The following SPHKAP variants were observed in gnomAD, a reference collection of about 807,000 sequenced individuals.
SPHKAP encodes A-kinase anchor protein SPHKAP.
In SPHKAP, 67 loss-of-function variants were observed where a neutral mutation model predicts 137.5. The observed-to-expected ratio is 0.49, with a 90% CI of 0.40 to 0.60. The LOEUF (loss-of-function observed/expected upper bound fraction) is 0.60, where lower values mean the gene tolerates loss of function less well. Among genes scored for constraint, SPHKAP ranks in the 20% least tolerant of loss-of-function variants. The pLI is 0.00. For missense variants in SPHKAP, 2,097 were observed against 2,069.3 expected (o/e 1.01, Z -0.26); for synonymous variants, 813 against 785.3 (o/e 1.04, Z -0.59).
chr2:228,136,513 A>T (rs1298335572), intron 1 of SPHKAP, among the ~76,000 whole-genome samples: 19 of 152,190 alleles, frequency 1.2e-4, no homozygotes, highest in Admixed American at 8.5e-4. Context: ...CAATAGTGAA[A>T]ATAGCCTAGG....
rs762758247 is a variant in SPHKAP at position 227,991,331 on chromosome 2, G to A, written c.4722-5C>T. ...TTCTTTTCTTCTACTAATTCACTTT[G>A]GGAGAAAACAACAGTATATGGTTGG... On this transcript the variant is annotated splice_region_variant and splice_polypyrimidine_tract_variant and intron_variant, in intron 9 of 11. Transcript: ENST00000392056. 3.7e-6 allele frequency: 6 copies of A among 1,613,976 alleles called. No individual in the cohort carries two copies. Among genetic ancestry groups the A allele is most frequent in the Non-Finnish European group, 5.1e-6 (6 of 1,179,994 alleles).
chr2:228,177,195 CTT>C lies in SPHKAP; in HGVS notation c.32+4370_32+4371del, dbSNP rs199526972. Among the ~76,000 whole-genome samples the C allele has an allele frequency of 1.5e-3, 220 of 144,138 alleles. 1 individual carries two copies. Among genetic ancestry groups the C allele is most frequent in the South Asian group, 0.011 (52 of 4,542 alleles). The allele number at this position is 144,138 out of a possible 152,430, so 94.6% of individuals were successfully genotyped here. ...TAGTTTTAATGTTGGTCTTTTAAGC[CTT>C]TTTTTTTTTTTCTGTTGGGAATTGC... On this transcript the variant is annotated intron_variant, in intron 1 of 11. Coordinates refer to ENST00000392056, the MANE Select transcript of SPHKAP (RefSeq NM_001142644.2).
intron 3 of SPHKAP, among the ~76,000 whole-genome samples, chr2:228,093,469 T>C (rs1040206329): frequency 9.2e-5 from 14 of 152,120 alleles, no homozygotes; most frequent in Admixed American, 4.6e-4. Context: ...ATACATAATA[T>C]GACATGAATC....
At chr2:228,031,612 C>A (rs1472153656) in intron 3 of SPHKAP, among the ~76,000 whole-genome samples, 2 of 152,134 alleles carry the variant, frequency 1.3e-5, no homozygotes, top group Non-Finnish European at 2.9e-5. Context: ...CTCGGAGGCA[C>A]CCCCCAGTAG....
chr2:228,025,519 T>C lies in SPHKAP; in HGVS notation c.316A>G (p.Asn106Asp). 1 of 1,613,628 alleles carries C rather than the reference T, an allele frequency of 6.2e-7. No individual in the cohort carries two copies. Among genetic ancestry groups the C allele is most frequent in the Non-Finnish European group, 8.5e-7 (1 of 1,179,842 alleles). Residue 106 changes from asparagine to aspartate, a missense_variant, in exon 5 of 12, where the codon AAC becomes GAC. Asn to Asp is a conservative substitution (Grantham distance 23, BLOSUM62 1). Transcript: ENST00000392056. ...STEHLQQKLV[N>D]VSPDLPKLIS... is the part of the protein sequence containing the mutation. The stretch of plus-strand genomic sequence containing the variant: ...AGTTTTGGAAGATCTGGTGAAACGT[T>C]GACCAGTTTCTGTAAAGCAAGAATC...
At chr2:227,986,156 C>T (rs901879664) in intron 11 of SPHKAP, among the ~76,000 whole-genome samples, 8 of 152,158 alleles carry the variant, frequency 5.3e-5, no homozygotes, top group Non-Finnish European at 8.8e-5. Flanking sequence ...ACAGATGAAG[C>T]GCCTCAGTAT....
At chr2:228,030,513 C>CAAAAAAAAA (rs11287311) in intron 3 of SPHKAP, among the ~76,000 whole-genome samples, 61 of 48,676 alleles carry the variant, frequency 1.3e-3, no homozygotes, top group East Asian at 1.9e-3. Context: ...GATACCATCT[C>CAAAAAAAAA]AAAAAAAAAA....
intron 1 of SPHKAP, among the ~76,000 whole-genome samples, chr2:228,160,741 T>C (rs1310246332): frequency 6.6e-6 from 1 of 152,192 alleles, no homozygotes; most frequent in African/African-American, 2.4e-5. Flanking sequence ...GTGAACTTTT[T>C]CAACATATTT....
At chr2:228,161,294 G>C (rs1700265034) in intron 1 of SPHKAP, among the ~76,000 whole-genome samples, 1 of 152,224 alleles carries the variant, frequency 6.6e-6, no homozygotes, top group Non-Finnish European at 1.5e-5. Flanking sequence ...GCCTGGATAG[G>C]AAGACAGGGT....
At chr2:228,129,478 A>T (rs2106372311) in intron 2 of SPHKAP, among the ~76,000 whole-genome samples, 1 of 152,246 alleles carries the variant, frequency 6.6e-6, no homozygotes, top group East Asian at 1.9e-4. Context: ...GGTGAGGGTC[A>T]TTTATGATCT....
chr2:228,113,310 T>G (rs1335680382), intron 2 of SPHKAP, among the ~76,000 whole-genome samples: 3 of 152,180 alleles, frequency 2.0e-5, no homozygotes, highest in Non-Finnish European at 4.4e-5. Context: ...TAACCTACAC[T>G]ATTATCTGAA....
At chr2:228,134,150 G>T (rs575553964) in intron 1 of SPHKAP, among the ~76,000 whole-genome samples, 4 of 146,874 alleles carry the variant, frequency 2.7e-5, no homozygotes, top group African/African-American at 1.0e-4. Flanking sequence ...GAGAAAGAAA[G>T]AGGAAGAAAA....
intron 7 of SPHKAP, among the ~76,000 whole-genome samples, chr2:228,002,981 T>A (rs2106183320): frequency 6.6e-6 from 1 of 152,078 alleles, no homozygotes; most frequent in African/African-American, 2.4e-5. Context: ...CCTTGTAGTA[T>A]AGTTTGAAGT....
At chr2:228,168,354 T>G (rs4430943) in intron 1 of SPHKAP, among the ~76,000 whole-genome samples, 147,604 of 152,246 alleles carry the variant, frequency 0.97, 71,721 homozygotes, top group East Asian at 1. Flanking sequence ...GAAGGTTTGT[T>G]GAAATTGTGC....
At chr2:228,055,610 A>C (rs1055471815) in intron 3 of SPHKAP, among the ~76,000 whole-genome samples, 3 of 152,178 alleles carry the variant, frequency 2.0e-5, no homozygotes, top group Admixed American at 6.5e-5. Context: ...TGATGACAAC[A>C]GATTCTCAAG....
intron 9 of SPHKAP, among the ~76,000 whole-genome samples, chr2:227,992,116 T>C (rs1388515671): frequency 6.6e-6 from 1 of 152,146 alleles, no homozygotes; most frequent in African/African-American, 2.4e-5. Flanking sequence ...GAAGTGGCTA[T>C]CCTGGGAAGC....
In SPHKAP at chr2:227,991,097, T is replaced by C; in HGVS notation, c.4862A>G (p.Asp1621Gly). ...CTGCAGAGTGGCTCGGAGCTCGGCA[T>C]CTGGACACTCTGGCTCCAGGTCAAA... ...INFDLEPECP[D>G]AELRATLQWI... The change falls in exon 11 of 12, where the codon GAT becomes GGT. Residue 1621 changes from aspartate (D) to glycine (G), a missense_variant. Physicochemically the swap from Asp to Gly is moderately conservative, Grantham distance 94 (BLOSUM62 -1). Transcript: ENST00000392056. 6.2e-7 allele frequency: 1 copy of C among 1,614,108 alleles called. No individual in the cohort carries two copies. Among genetic ancestry groups the C allele is most frequent in the South Asian group, 1.1e-5 (1 of 91,084 alleles).
rs567024163 is a variant in SPHKAP at position 228,172,909 on chromosome 2, A to T, written c.32+8658T>A. On this transcript the variant is annotated intron_variant, in intron 1 of 11. Coordinates refer to ENST00000392056, the MANE Select transcript of SPHKAP (RefSeq NM_001142644.2). ...CCTTCTGTGCACTTTGCATTGGCCA[A>T]ATCATATTATGTCACTATGTCTTAT... is the stretch of plus-strand genomic sequence containing the variant. 20 of 441,054 alleles carry T rather than the reference A, an allele frequency of 4.5e-5. No homozygotes were observed. The East Asian group carries it at 2.5e-3, about 56-fold the overall frequency. The allele number at this position is 441,054 out of a possible 1,614,324, so 27.3% of individuals were successfully genotyped here.
chr2:228,070,805 C>T (rs968348413), intron 3 of SPHKAP, among the ~76,000 whole-genome samples: 1 of 152,150 alleles, frequency 6.6e-6, no homozygotes, highest in Non-Finnish European at 1.5e-5. Flanking sequence ...ATAGCATTGA[C>T]AATCCTTTCC....
Sources: allele counts gnomAD v4.1 joint callset (sites outside exome capture counted in the v4.1 genomes callset), GRCh38; gene constraint gnomAD v4.1.1; transcripts MANE v1.5; gene names NCBI Gene and HGNC (gene_info 2026-07-23, HGNC 2026-07-21).